RBFOX1: variants seen among roughly 807,000 people sequenced by gnomAD.
The protein encoded by RBFOX1 is RNA binding protein fox-1 homolog 1.
Under a neutral mutation model 57.7 loss-of-function variants are expected in RBFOX1, and 8 were observed. The ratio of observed to expected loss-of-function variants is 0.14; its 90% CI spans 0.08 to 0.25. The LOEUF (loss-of-function observed/expected upper bound fraction) is 0.25, where lower values mean the gene tolerates loss of function less well. Ranked by LOEUF, RBFOX1 falls within the 10% of genes least tolerant of loss-of-function variation. RBFOX1 has a pLI of 1.00. For missense variants in RBFOX1, 611 were observed against 548.5 expected (o/e 1.11, Z -1.14); for synonymous variants, 326 against 222.4 (o/e 1.47, Z -4.15).
intron 4 of RBFOX1, among the ~76,000 whole-genome samples, chr16:7,161,876 C>A (rs762393179): frequency 6.6e-6 from 1 of 152,170 alleles, no homozygotes; most frequent in Non-Finnish European, 1.5e-5. Flanking sequence ...TTTGCAGTGC[C>A]CAGAATGAGA....
At chr16:5,536,416 G>A (rs868098875) in intron 2 of RBFOX1, among the ~76,000 whole-genome samples, 2 of 151,776 alleles carry the variant, frequency 1.3e-5, no homozygotes, top group African/African-American at 4.8e-5. Context: ...TGCATTTTTA[G>A]TAGAGATGGG....
intron 2 of RBFOX1, among the ~76,000 whole-genome samples, chr16:5,467,628 A>G (rs76197294): frequency 0.014 from 2,058 of 152,304 alleles, 55 homozygotes; most frequent in African/African-American, 0.047. Context: ...TTTTATTAGC[A>G]CTGGAGGTAC....
At chr16:6,812,446 T>G (rs1401522584) in intron 3 of RBFOX1, among the ~76,000 whole-genome samples, 1 of 152,148 alleles carries the variant, frequency 6.6e-6, no homozygotes, top group African/African-American at 2.4e-5. Context: ...CGATCTCGGC[T>G]CATTGCAACC....
chr16:7,350,667 T>C (rs879581602), intron 4 of RBFOX1, among the ~76,000 whole-genome samples: 11 of 152,222 alleles, frequency 7.2e-5, no homozygotes, highest in African/African-American at 1.4e-4. Context: ...TTATCCACGA[T>C]TGGCTAGTGA....
At chr16:6,358,507 A>G (rs2087798860) in intron 2 of RBFOX1, among the ~76,000 whole-genome samples, 1 of 152,218 alleles carries the variant, frequency 6.6e-6, no homozygotes, top group African/African-American at 2.4e-5. Context: ...ATAGATAAAG[A>G]TCCAGCTGAA....
At chr16:5,652,214 T>C (rs1277826687) in intron 3 of RBFOX1, among the ~76,000 whole-genome samples, 1 of 152,232 alleles carries the variant, frequency 6.6e-6, no homozygotes, top group Non-Finnish European at 1.5e-5. Flanking sequence ...TACTAGTCTT[T>C]AGATACCACT....
chr16:6,560,963 T>C (rs559798159), intron 2 of RBFOX1, among the ~76,000 whole-genome samples: 10 of 152,208 alleles, frequency 6.6e-5, no homozygotes, highest in Non-Finnish European at 1.5e-4. Context: ...GTGCTGTAGA[T>C]AGTCAATGTG....
At chr16:6,768,319 G>A (rs62016066) in intron 3 of RBFOX1, among the ~76,000 whole-genome samples, 17,442 of 151,912 alleles carry the variant, frequency 0.11, 1,198 homozygotes, top group African/African-American at 0.19. Flanking sequence ...ACAATAAAGA[G>A]TCTTATTAAA....
intron 2 of RBFOX1, among the ~76,000 whole-genome samples, chr16:6,529,805 T>C (rs554306549): frequency 1.1e-4 from 17 of 152,238 alleles, no homozygotes; most frequent in Middle Eastern, 3.4e-3. Flanking sequence ...GCATGTCTTG[T>C]TGATATTTCT....
intron 10 of RBFOX1, among the ~76,000 whole-genome samples, chr16:7,629,069 G>C (rs1385571227): frequency 6.6e-6 from 1 of 152,130 alleles, no homozygotes; most frequent in Non-Finnish European, 1.5e-5. Flanking sequence ...TTTGCGGGTG[G>C]GGGTGGCTGT....
chr16:7,006,235 T>G (rs754775452), intron 3 of RBFOX1, among the ~76,000 whole-genome samples: 1 of 152,080 alleles, frequency 6.6e-6, no homozygotes, highest in African/African-American at 2.4e-5. Context: ...GTTCACTGCA[T>G]CCTCTGCCTC....
intron 4 of RBFOX1, among the ~76,000 whole-genome samples, chr16:7,506,608 C>T (rs181145701): frequency 1.2e-3 from 185 of 152,226 alleles, no homozygotes; most frequent in African/African-American, 4.4e-3. Flanking sequence ...TCATCATCAC[C>T]ACCACCACCA....
At chr16:6,613,047 G>C (rs1447248971) in intron 2 of RBFOX1, among the ~76,000 whole-genome samples, 2 of 149,490 alleles carry the variant, frequency 1.3e-5, no homozygotes, top group South Asian at 4.4e-4. Flanking sequence ...GTGTGTGAGT[G>C]TGTGTGTGTG....
chr16:6,564,757 G>C (rs922476839), intron 2 of RBFOX1, among the ~76,000 whole-genome samples: 5 of 152,142 alleles, frequency 3.3e-5, no homozygotes, highest in African/African-American at 7.2e-5. Flanking sequence ...TAATTTATTT[G>C]ATTGCGGTAA....
At chr16:6,986,679 C>A (rs965777472) in intron 3 of RBFOX1, among the ~76,000 whole-genome samples, 9 of 151,908 alleles carry the variant, frequency 5.9e-5, no homozygotes, top group African/African-American at 2.2e-4. Flanking sequence ...CTCTCCCTCC[C>A]CTTCTCTCTC....
intron 3 of RBFOX1, among the ~76,000 whole-genome samples, chr16:6,921,049 T>C (rs1423289015): frequency 6.6e-6 from 1 of 152,164 alleles, no homozygotes; most frequent in Non-Finnish European, 1.5e-5. Context: ...GCCCACAGAC[T>C]ATGGGGCTCA....
intron 4 of RBFOX1, among the ~76,000 whole-genome samples, chr16:7,189,543 A>C (rs1048366144): frequency 2.8e-5 from 4 of 140,634 alleles, no homozygotes; most frequent in South Asian, 2.3e-4. Context: ...CCAAAACACT[A>C]TGTCCCCCAA....
At position 5,267,702 on chromosome 16, in the gene RBFOX1, C is replaced by T. The variant is rs544123376; in HGVS notation, c.219+27597C>T. 2.6e-5 allele frequency among the ~76,000 whole-genome samples: 4 copies of T among 152,314 alleles called. No individual in the cohort carries two copies. In the East Asian group the frequency reaches 7.7e-4, roughly 29 times the overall value. The stretch of plus-strand genomic sequence containing the variant: ...CAATTTCTGGAATCTTCTCTACTTC[C>T]AGAGTTCCCACTTTCTGTCTCCTGT... On this transcript the variant is annotated intron_variant, in intron 1 of 2. Transcript: ENST00000585867.
intron 3 of RBFOX1, among the ~76,000 whole-genome samples, chr16:6,766,574 A>T (rs2077361434): frequency 6.6e-6 from 1 of 151,900 alleles, no homozygotes; most frequent in African/African-American, 2.4e-5. Context: ...TCAGTGTCTA[A>T]TGAGGTACCT....
Sources: allele counts gnomAD v4.1 joint callset (sites outside exome capture counted in the v4.1 genomes callset), GRCh38; gene constraint gnomAD v4.1.1; transcripts MANE v1.5; gene names NCBI Gene and HGNC (gene_info 2026-07-23, HGNC 2026-07-21).